Variants in SDR42E2 observed in about 807,000 individuals in gnomAD.
SDR42E2 encodes short chain dehydrogenase/reductase family 42E, member 2.
A neutral mutation model predicts 10.5 loss-of-function variants in SDR42E2; 20 were observed. The ratio of observed to expected loss-of-function variants is 1.90; its 90% confidence interval spans 1.34 to 2.77. The LOEUF (loss-of-function observed/expected upper bound fraction) is 2.77, where lower values mean the gene tolerates loss of function less well. Ranked by LOEUF, SDR42E2 falls within the 30% of genes most tolerant of loss-of-function variation. SDR42E2 has a pLI of 0.00. For missense variants in SDR42E2, 162 were observed against 104.2 expected, an observed-to-expected ratio of 1.55 and a Z score of -2.42; for synonymous variants, 72 against 39.2, an observed-to-expected ratio of 1.84 and a Z score of -3.12.
At chr16:22,174,236 G>A (rs375945406) in intron 7 of SDR42E2, among the ~76,000 whole-genome samples, 2 of 152,048 alleles carry the variant, frequency 1.3e-5, no homozygotes, top group East Asian at 1.9e-4. Context: ...AGGAGGCTGA[G>A]GCAGGAGAAT....
chr16:22,189,998 A>G (rs1225032454), intron 12 of SDR42E2, 141 bp from the exon 13 acceptor site: 2 of 399,390 alleles, frequency 5.0e-6, no homozygotes, highest in Non-Finnish European at 8.9e-6. Context: ...CAGGAGCAAG[A>G]CGCTGCACTC....
At chr16:22,177,455 C>T (rs1333405695) in intron 7 of SDR42E2, among the ~76,000 whole-genome samples, 2 of 151,992 alleles carry the variant, frequency 1.3e-5, no homozygotes, top group African/African-American at 2.4e-5. Flanking sequence ...GGTGAAACCC[C>T]GTCTCTACTA....
chr16:22,165,330 C>T (rs1349765450), intron 1 of SDR42E2, among the ~76,000 whole-genome samples: 1 of 152,106 alleles, frequency 6.6e-6, no homozygotes, highest in Admixed American at 6.6e-5. Context: ...TCAAGTGATC[C>T]GCCCACCTCA....
intron 8 of SDR42E2, among the ~76,000 whole-genome samples, chr16:22,179,495 A>G (rs2046674339): frequency 6.6e-6 from 1 of 152,192 alleles, no homozygotes; most frequent in Admixed American, 6.6e-5. Context: ...ATGAAGAGAC[A>G]GATAATGAAC....
At chr16:22,165,389 A>G (rs535904217) in intron 1 of SDR42E2, among the ~76,000 whole-genome samples, 158 bp from the exon 2 acceptor site, 3 of 152,282 alleles carry the variant, frequency 2.0e-5, no homozygotes, top group Admixed American at 2.0e-4. Context: ...CGCCGGGCCC[A>G]CACTGGAGAT....
At position 22,166,897 on chromosome 16, in the gene SDR42E2, G is replaced by T. The variant is rs888178096; in HGVS notation, c.241-7G>T. ...CCCTGCCCTCATCTCTTCTTCCTCTGGTGCAGGCTGATGTCCGAGATGAAG... is the reference window on the plus strand; with the variant it reads ...CCCTGCCCTCATCTCTTCTTCCTCTTGTGCAGGCTGATGTCCGAGATGAAG... On this transcript the variant is annotated splice_region_variant and splice_polypyrimidine_tract_variant and intron_variant, in intron 3 of 12. Coordinates refer to ENST00000602312, the MANE Select transcript of SDR42E2 (RefSeq NM_001394319.2). 2 of 663,110 alleles carry T rather than the reference G, an allele frequency of 3.0e-6. No homozygotes were observed. Among genetic ancestry groups the T allele is most frequent in the Non-Finnish European group, 2.8e-6 (1 of 357,010 alleles). The allele number at this position is 663,110 out of a possible 1,614,324, so 41.1% of individuals were successfully genotyped here.
chr16:22,190,669 C>A lies in SDR42E2; in HGVS notation c.*276C>A. On this transcript the variant is annotated 3_prime_UTR_variant, in exon 13 of 13. Coordinates refer to ENST00000602312, the MANE Select transcript of SDR42E2 (RefSeq NM_001394319.2). ...GTCCCGCCCCGCCCTCCGAAGTGGG[C>A]ACGCTCCTGCTCCGCCCCCTGAATC... 2.8e-6 allele frequency: 1 copy of A among 359,010 alleles called. No individual in the cohort carries two copies. 22.2% of individuals were successfully genotyped at this position (359,010 alleles called of 1,614,324 possible).
rs1598148183 is a variant in SDR42E2 at position 22,190,054 on chromosome 16, C to T, written c.1015-85C>T. ...GTAATGGAGGGGAAATCCCTGCCCT[C>T]TCTTTTCCCTTTCCGTAAACAACGA... On this transcript the variant is annotated intron_variant, in intron 12 of 12. Transcript: ENST00000602312. 3 of 400,280 alleles carry T rather than the reference C, an allele frequency of 7.5e-6. No homozygotes were observed. The East Asian group carries it at 1.1e-4, about 14-fold the overall frequency. 24.8% of individuals were successfully genotyped at this position (400,280 alleles called of 1,614,324 possible).
Position 22,183,064 on chromosome 16 carries a change from G to A in SDR42E2, c.876+787G>A, listed in dbSNP as rs921809798. Among the ~76,000 whole-genome samples, 8 of 152,044 alleles carry A rather than the reference G, an allele frequency of 5.3e-5. No homozygotes were observed. In the South Asian group the frequency reaches 6.2e-4, roughly 12 times the overall value. On this transcript the variant is annotated intron_variant, in intron 10 of 12. Transcript: ENST00000602312. ...AACATTGGAACTGGCTGGAGCCCTT[G>A]AGGGGCGCCATGTGTTCCTCAGTTA...
chr16:22,175,398 T>C lies in SDR42E2; in HGVS notation c.590-2732T>C, dbSNP rs377282539. On this transcript the variant is annotated intron_variant, in intron 7 of 12. Transcript: ENST00000602312. The stretch of plus-strand genomic sequence containing the variant: ...TCACCTGAGCCCAGGGAGGTCAAGA[T>C]GGCAGTAAGCTGTGACCCTCTCTCA... 2.7e-3 allele frequency among the ~76,000 whole-genome samples: 414 copies of C among 151,822 alleles called. 19 individuals are homozygous for C. In the South Asian group the frequency reaches 0.083, roughly 30 times the overall value.
At chr16:22,176,535 T>A (rs1333438352) in intron 7 of SDR42E2, among the ~76,000 whole-genome samples, 5 of 152,240 alleles carry the variant, frequency 3.3e-5, no homozygotes, top group Admixed American at 6.5e-5. Flanking sequence ...AAAAATTTTT[T>A]AAATCTTAAA....
intron 7 of SDR42E2, among the ~76,000 whole-genome samples, chr16:22,175,082 T>C (rs941503321): frequency 6.6e-5 from 10 of 152,170 alleles, no homozygotes; most frequent in Admixed American, 3.3e-4. Context: ...AATGCAGTTA[T>C]GTCCTCCCGT....
At chr16:22,184,042 G>A (rs1311465616) in intron 10 of SDR42E2, 139 bp from the exon 11 acceptor site, 3 of 394,686 alleles carry the variant, frequency 7.6e-6, no homozygotes, top group East Asian at 7.2e-5. Flanking sequence ...CCTGGGGTTG[G>A]CTGCAGGGTC....
chr16:22,165,358 G>A (rs901644047), intron 1 of SDR42E2, among the ~76,000 whole-genome samples, 189 bp from the exon 2 acceptor site: 1 of 152,150 alleles, frequency 6.6e-6, no homozygotes, highest in African/African-American at 2.4e-5. Flanking sequence ...AAACTGCTGG[G>A]ATTACAGACG....
At chr16:22,177,814 G>A (rs2142072218) in intron 7 of SDR42E2, among the ~76,000 whole-genome samples, 1 of 148,946 alleles carries the variant, frequency 6.7e-6, no homozygotes, top group South Asian at 2.1e-4. Context: ...CCGTGCAGAT[G>A]TTTGCATCTG....
rs2046770053 is a variant in SDR42E2, at chr16:22,190,821, C to G, written c.*428C>G. 2 of 165,752 alleles carry G rather than the reference C, an allele frequency of 1.2e-5. No individual in the cohort carries two copies. The highest frequency in any genetic ancestry group is 2.6e-5 in the Non-Finnish European group (2 of 77,038). 10.3% of individuals were successfully genotyped at this position (165,752 alleles called of 1,614,324 possible). A position where few individuals can be genotyped will look rare whatever the true frequency, so the allele number is the denominator to read the frequency against. Reference sequence around the variant, plus strand: ...CCGCTCACTGATTTCCTGGCCTAGCCCCTGAGCAGACCTCCAGACCTAGCC... The same window carrying G: ...CCGCTCACTGATTTCCTGGCCTAGCGCCTGAGCAGACCTCCAGACCTAGCC... On this transcript the variant is annotated 3_prime_UTR_variant, in exon 13 of 13. Transcript: ENST00000602312.
At position 22,166,977 on chromosome 16, in the gene SDR42E2, A is replaced by G. The variant is rs1287995718; in HGVS notation, c.314A>G (p.Tyr105Cys). 2.8e-6 allele frequency: 2 copies of G among 702,116 alleles called. No homozygotes were observed. Among genetic ancestry groups the G allele is most frequent in the East Asian group, 2.7e-5 (1 of 37,276 alleles). The allele number at this position is 702,116 out of a possible 1,614,324, so 43.5% of individuals were successfully genotyped here. The stretch of plus-strand genomic sequence containing the variant: ...GACTGTGTCTTCCACGTGGCTTCCT[A>G]TGGAATGTCCGGGGCTGAGAAGGTG... Reference protein sequence around the residue: ...GVDCVFHVASYGMSGAEKLQK... With the variant: ...GVDCVFHVASCGMSGAEKLQK... The change falls in exon 4 of 13, where the codon TAT becomes TGT. Residue 105 changes from tyrosine (Y) to cysteine (C), a missense_variant. Physicochemically the swap from Tyr to Cys is radical, Grantham distance 194. Coordinates refer to ENST00000602312, the MANE Select transcript of SDR42E2 (RefSeq NM_001394319.2).
At chr16:22,177,650 AAAAAGAAAAAGG>A (rs2046655851) in intron 7 of SDR42E2, among the ~76,000 whole-genome samples, 1 of 151,644 alleles carries the variant, frequency 6.6e-6, no homozygotes, top group Non-Finnish European at 1.5e-5. Flanking sequence ...ATAAAGAAAG[AAAAAGAAAAAGG>A]AAAAGGAAAA....
At chr16:22,171,319 C>A (rs530229082) in intron 6 of SDR42E2, among the ~76,000 whole-genome samples, 1 of 152,240 alleles carries the variant, frequency 6.6e-6, no homozygotes, top group East Asian at 1.9e-4. Flanking sequence ...TGGCTCACTG[C>A]AACCTCTGCC....
Sources: allele counts gnomAD v4.1 joint callset (sites outside exome capture counted in the v4.1 genomes callset), GRCh38; gene constraint gnomAD v4.1.1; transcripts MANE v1.5; gene names NCBI Gene and HGNC (gene_info 2026-07-23, HGNC 2026-07-21).